C11orf65: variants seen among roughly 807,000 people sequenced by gnomAD.
C11orf65 encodes protein MFI.
In C11orf65, 38 loss-of-function variants were observed where a neutral mutation model predicts 35.3. That is an observed-to-expected ratio of 1.08 (90% CI 0.83 to 1.41). The LOEUF is 1.41. Among genes scored for constraint, C11orf65 ranks in the 40% most tolerant of loss-of-function variants. C11orf65 has a pLI of 0.00. For synonymous variants in C11orf65, 105 were observed against 114.4 expected (o/e 0.92, Z 0.53); for missense variants, 370 against 367.1 (o/e 1.01, Z -0.06).
chr11:108,423,836 TAACAAACAGA>T (rs2092858047), intron 3 of C11orf65, among the ~76,000 whole-genome samples: 2 of 151,998 alleles, frequency 1.3e-5, no homozygotes, highest in Non-Finnish European at 2.9e-5. Flanking sequence ...GAAGGAAAAC[TAACAAACAGA>T]AAGGAATAGC....
chr11:108,460,443 C>T (rs1045968613), intron 2 of C11orf65, among the ~76,000 whole-genome samples: 14 of 152,096 alleles, frequency 9.2e-5, no homozygotes, highest in Non-Finnish European at 1.5e-4. Context: ...CACAAGTGAC[C>T]ACGACATTAA....
At chr11:108,388,147 A>G (rs979101580) in intron 7 of C11orf65, among the ~76,000 whole-genome samples, 1 of 152,170 alleles carries the variant, frequency 6.6e-6, no homozygotes, top group Non-Finnish European at 1.5e-5. Context: ...TCAAGAAACC[A>G]AGATAAAAGA....
chr11:108,337,020 G>A (rs2086930964), intron 2 of C11orf65, among the ~76,000 whole-genome samples: 1 of 152,036 alleles, frequency 6.6e-6, no homozygotes, highest in Non-Finnish European at 1.5e-5. Flanking sequence ...TATATTTCTA[G>A]TTTTCCACTA....
At chr11:108,450,201 C>A (rs893483651) in intron 2 of C11orf65, among the ~76,000 whole-genome samples, 4 of 151,966 alleles carry the variant, frequency 2.6e-5, no homozygotes, top group African/African-American at 9.7e-5. Flanking sequence ...TAAACTAGTT[C>A]AACCATTGTG....
At chr11:108,455,536 G>A (rs531817937) in intron 2 of C11orf65, among the ~76,000 whole-genome samples, 2 of 152,278 alleles carry the variant, frequency 1.3e-5, no homozygotes, top group East Asian at 3.9e-4. Flanking sequence ...AGCAATTAGA[G>A]GCCAGGCACA....
Position 108,332,643 on chromosome 11 carries a change from T to C in C11orf65, c.300-1076A>G, listed in dbSNP as rs559305449. Reference sequence around the variant, plus strand: ...TGTTTTGTTTGTATCTGAGGAATTATAATCATTCCATTGTCTAGATTTGTG... The same window carrying C: ...TGTTTTGTTTGTATCTGAGGAATTACAATCATTCCATTGTCTAGATTTGTG... On this transcript the variant is annotated intron_variant, in intron 3 of 3. Coordinates refer to the C11orf65 transcript ENST00000524755. 8 of 1,104,554 alleles carry C rather than the reference T, an allele frequency of 7.2e-6. No homozygotes were observed. The South Asian group carries it at 8.5e-5, about 12-fold the overall frequency. 68.4% of individuals were successfully genotyped at this position (1,104,554 alleles called of 1,614,324 possible). A position where few individuals can be genotyped will look rare whatever the true frequency, so the allele number is the denominator to read the frequency against.
intron 2 of C11orf65, among the ~76,000 whole-genome samples, chr11:108,452,447 G>C (rs150934305): frequency 6.6e-4 from 100 of 152,268 alleles, no homozygotes; most frequent in African/African-American, 2.2e-3. Context: ...AAACCACAAT[G>C]AGATACCATC....
chr11:108,384,440 T>C (rs913077749), intron 8 of C11orf65, among the ~76,000 whole-genome samples: 9 of 152,184 alleles, frequency 5.9e-5, no homozygotes, highest in African/African-American at 2.2e-4. Context: ...ATTCTTCTTT[T>C]ACTAGTGAAG....
At chr11:108,396,981 T>A (rs959997401) in intron 6 of C11orf65, among the ~76,000 whole-genome samples, 6 of 152,040 alleles carry the variant, frequency 3.9e-5, no homozygotes, top group Non-Finnish European at 7.4e-5. Context: ...AAAAGATCAC[T>A]TTATAAACAT....
intron 2 of C11orf65, among the ~76,000 whole-genome samples, chr11:108,457,924 A>G (rs2093427206): frequency 6.6e-6 from 1 of 152,118 alleles, no homozygotes; most frequent in Non-Finnish European, 1.5e-5. Context: ...TGCTGTGTCT[A>G]GAATCAAGAG....
chr11:108,428,053 T>C (rs968070044), intron 3 of C11orf65, among the ~76,000 whole-genome samples: 2 of 151,226 alleles, frequency 1.3e-5, no homozygotes, highest in African/African-American at 4.9e-5. Context: ...ATGGTCTCGA[T>C]CTCCTGACCT....
At chr11:108,397,250 C>CAGAG (rs1417346968) in intron 6 of C11orf65, among the ~76,000 whole-genome samples, 1 of 148,882 alleles carries the variant, frequency 6.7e-6, no homozygotes, top group Non-Finnish European at 1.5e-5. Context: ...AACCCAGAGG[C>CAGAG]AGAGGTTGCA....
chr11:108,468,754 G>A (rs1591635832), upstream of C11orf65, among the ~76,000 whole-genome samples: 1 of 152,088 alleles, frequency 6.6e-6, no homozygotes, highest in Non-Finnish European at 1.5e-5. Context: ...TAAAAATATA[G>A]TCATGGAAAC....
At chr11:108,421,759 G>T (rs897383774) in intron 3 of C11orf65, among the ~76,000 whole-genome samples, 8 of 152,294 alleles carry the variant, frequency 5.3e-5, no homozygotes, top group Non-Finnish European at 1.0e-4. Context: ...AGGAATAGGG[G>T]CCTTTGTTTC....
chr11:108,462,046 CCTT>C (rs966075489), intron 1 of C11orf65, among the ~76,000 whole-genome samples: 2 of 151,898 alleles, frequency 1.3e-5, no homozygotes, highest in Admixed American at 6.6e-5. Context: ...AAAATAGTCA[CCTT>C]CTTATTTTTT....
chr11:108,323,379 A>G (rs547873377), intron 6 of C11orf65, among the ~76,000 whole-genome samples: 1 of 152,310 alleles, frequency 6.6e-6, no homozygotes, highest in Non-Finnish European at 1.5e-5. Context: ...ATAGAATGGT[A>G]GTAACCAGAG....
chr11:108,389,958 C>T lies in C11orf65; in HGVS notation c.731+3250G>A, dbSNP rs368833231. 4.6e-4 allele frequency among the ~76,000 whole-genome samples: 69 copies of T among 149,888 alleles called. 1 individual carries two copies. The highest frequency in any genetic ancestry group is 1.5e-3 in the African/African-American group (62 of 40,862). ...ATCCGCCCTCCTCAGCCTCCCAAAGCGCTGGGATTACAGGCATGAGCCACC... is the reference window on the plus strand; with the variant it reads ...ATCCGCCCTCCTCAGCCTCCCAAAGTGCTGGGATTACAGGCATGAGCCACC... On this transcript the variant is annotated intron_variant, in intron 7 of 8. Transcript: ENST00000393084.
intron 6 of C11orf65, among the ~76,000 whole-genome samples, chr11:108,404,876 C>G (rs538528069): frequency 6.6e-6 from 1 of 152,150 alleles, no homozygotes; most frequent in Admixed American, 6.5e-5. Context: ...TTCGATCAGG[C>G]TGCTGGGAAA....
chr11:108,467,232 G>C (rs1353195053), intron 1 of C11orf65, among the ~76,000 whole-genome samples: 1 of 152,120 alleles, frequency 6.6e-6, no homozygotes, highest in Non-Finnish European at 1.5e-5. Flanking sequence ...ACTTCACCGA[G>C]GGCGAGGAAA....
Sources: allele counts gnomAD v4.1 joint callset (sites outside exome capture counted in the v4.1 genomes callset), GRCh38; gene constraint gnomAD v4.1.1; transcripts MANE v1.5; gene names NCBI Gene and HGNC (gene_info 2026-07-23, HGNC 2026-07-21).